The following FGF12 variants were observed in gnomAD, a reference collection of about 807,000 sequenced individuals.
The protein encoded by FGF12 is fibroblast growth factor 12, also known as fibroblast growth factor 12B.
A neutral mutation model predicts 23.6 loss-of-function variants in FGF12; 14 were observed. The ratio of observed to expected loss-of-function variants is 0.59; its 90% CI spans 0.39 to 0.93. The LOEUF (loss-of-function observed/expected upper bound fraction) is 0.93, where lower values mean the gene tolerates loss of function less well. Among genes scored for constraint, FGF12 ranks in the 40% least tolerant of loss-of-function variants. The probability of loss-of-function intolerance (pLI) is 0.00; values close to 1 mark genes in which losing one functional copy is unlikely to be tolerated. For missense variants in FGF12, 175 were observed against 217.8 expected, an observed-to-expected ratio of 0.80 and a Z score of 1.24; for synonymous variants, 62 against 77.3, an observed-to-expected ratio of 0.80 and a Z score of 1.04.
At chr3:192,182,522 A>G (rs1474107952) in intron 4 of FGF12, among the ~76,000 whole-genome samples, 1 of 152,154 alleles carries the variant, frequency 6.6e-6, no homozygotes, top group Non-Finnish European at 1.5e-5. Context: ...GAAGGAAGAA[A>G]ATCAATGAAG....
chr3:192,544,506 G>A (rs1198665402), intron 2 of FGF12, among the ~76,000 whole-genome samples: 2 of 152,066 alleles, frequency 1.3e-5, no homozygotes, highest in African/African-American at 2.4e-5. Context: ...AGTAAGTTTC[G>A]ATATCTGGAC....
At chr3:192,248,875 C>G (rs1368163946) in intron 4 of FGF12, among the ~76,000 whole-genome samples, 3 of 152,056 alleles carry the variant, frequency 2.0e-5, no homozygotes, top group East Asian at 1.9e-4. Flanking sequence ...ATCAGAAAAC[C>G]CTACCTGCTT....
intron 2 of FGF12, among the ~76,000 whole-genome samples, chr3:192,499,968 T>C (rs978229597): frequency 6.6e-6 from 1 of 152,182 alleles, no homozygotes; most frequent in African/African-American, 2.4e-5. Flanking sequence ...CTAAAATCTT[T>C]GTTGCAATAA....
intron 2 of FGF12, among the ~76,000 whole-genome samples, chr3:192,483,173 T>G (rs1723528196): frequency 6.6e-6 from 1 of 152,314 alleles, no homozygotes; most frequent in East Asian, 1.9e-4. Context: ...TATTCCTCCT[T>G]GAAGAATACT....
chr3:192,629,377 C>T (rs1376343226), intron 2 of FGF12, among the ~76,000 whole-genome samples: 2 of 152,186 alleles, frequency 1.3e-5, no homozygotes, highest in African/African-American at 2.4e-5. Flanking sequence ...TTTATGAAAA[C>T]TTTTTCTCTA....
chr3:192,253,399 T>TA (rs137860011), intron 4 of FGF12, among the ~76,000 whole-genome samples: 1 of 150,126 alleles, frequency 6.7e-6, no homozygotes, highest in African/African-American at 2.5e-5. Context: ...AAGTACTTAA[T>TA]AAAAAATATG....
intron 2 of FGF12, among the ~76,000 whole-genome samples, chr3:192,528,246 C>T (rs1725001310): frequency 4.6e-5 from 7 of 152,058 alleles, no homozygotes; most frequent in Admixed American, 4.6e-4. Flanking sequence ...AGGGTTCAAG[C>T]ATTGGAAGAA....
chr3:192,465,259 G>T (rs569844451), intron 2 of FGF12, among the ~76,000 whole-genome samples: 1 of 152,228 alleles, frequency 6.6e-6, no homozygotes, highest in South Asian at 2.1e-4. Flanking sequence ...ACTTTTCAAA[G>T]AAATAGCCTG....
intron 4 of FGF12, among the ~76,000 whole-genome samples, chr3:192,258,498 T>G (rs1285358709): frequency 6.6e-6 from 1 of 152,032 alleles, no homozygotes; most frequent in Admixed American, 6.6e-5. Context: ...CAATAGCAGT[T>G]AAAAACAGTA....
chr3:192,451,753 A>G (rs1349102353), intron 2 of FGF12, among the ~76,000 whole-genome samples: 2 of 152,224 alleles, frequency 1.3e-5, no homozygotes, highest in Non-Finnish European at 1.5e-5. Flanking sequence ...GCATAGCTGT[A>G]GTTAATTTAT....
intron 3 of FGF12, 46 bp from the exon 4 acceptor site, chr3:192,335,510 A>T: frequency 8.9e-7 from 1 of 1,120,168 alleles, no homozygotes; most frequent in Non-Finnish European, 1.4e-6. Flanking sequence ...GACCTTTTGA[A>T]TAAATAATCC....
At chr3:192,221,388 T>G (rs1441897262) in intron 4 of FGF12, among the ~76,000 whole-genome samples, 1 of 152,204 alleles carries the variant, frequency 6.6e-6, no homozygotes, top group East Asian at 1.9e-4. Flanking sequence ...TAAAATGCTA[T>G]GCATACGTAG....
chr3:192,376,839 C>T (rs1309567951), intron 2 of FGF12, among the ~76,000 whole-genome samples: 2 of 152,114 alleles, frequency 1.3e-5, no homozygotes, highest in Admixed American at 1.3e-4. Context: ...TTGAGCTTTA[C>T]TCTTCTTTTT....
rs183318357 is a variant in FGF12 at position 192,354,815 on chromosome 3, C to G, written c.124+5613G>C. Among the ~76,000 whole-genome samples, 81 of 152,268 alleles carry G rather than the reference C, an allele frequency of 5.3e-4. No individual in the cohort carries two copies. In the East Asian group the frequency reaches 7.2e-3, roughly 13 times the overall value. ...CCACCTCCCTGGTTCAAGCAATTCA[C>G]GTGCCTCAGGCTTCCGAGTAGCTGG... On this transcript the variant is annotated intron_variant, in intron 3 of 5. Coordinates refer to ENST00000445105, the MANE Select transcript of FGF12 (RefSeq NM_004113.6).
intron 3 of FGF12, among the ~76,000 whole-genome samples, chr3:192,341,750 CTAGG>C (rs201568047): frequency 0.011 from 1,715 of 152,206 alleles, 27 homozygotes; most frequent in African/African-American, 0.039. Flanking sequence ...AGGCATCCTG[CTAGG>C]TAGGCATTTT....
At chr3:192,276,215 C>T (rs1227297327) in intron 4 of FGF12, among the ~76,000 whole-genome samples, 2 of 129,028 alleles carry the variant, frequency 1.6e-5, no homozygotes, top group African/African-American at 2.8e-5. Context: ...ATATAGTCCA[C>T]GTGTTTAAGC....
intron 2 of FGF12, among the ~76,000 whole-genome samples, chr3:192,518,606 G>A (rs1724737396): frequency 6.6e-6 from 1 of 152,124 alleles, no homozygotes; most frequent in African/African-American, 2.4e-5. Context: ...TATATCAATG[G>A]CAAAATGTCT....
intron 2 of FGF12, among the ~76,000 whole-genome samples, chr3:192,591,374 TTTAATGCC>T (rs1713616457): frequency 6.6e-6 from 1 of 151,726 alleles, no homozygotes; most frequent in Non-Finnish European, 1.5e-5. Flanking sequence ...GGCTCCCAGT[TTTAATGCC>T]TTAAAACAGC....
At chr3:192,507,505 TTC>T (rs1375435629) in intron 2 of FGF12, among the ~76,000 whole-genome samples, 1 of 152,178 alleles carries the variant, frequency 6.6e-6, no homozygotes, top group Non-Finnish European at 1.5e-5. Context: ...CTAATTTGTC[TTC>T]TATAACTGTA....
Sources: allele counts gnomAD v4.1 joint callset (sites outside exome capture counted in the v4.1 genomes callset), GRCh38; gene constraint gnomAD v4.1.1; transcripts MANE v1.5; gene names NCBI Gene and HGNC (gene_info 2026-07-23, HGNC 2026-07-21).